Variants in LRP6 observed in about 807,000 individuals in gnomAD.
The protein encoded by LRP6 is LDL receptor related protein 6.
LRP6 carries 43 observed loss-of-function variants against 184.1 expected under a neutral mutation model. That is an observed-to-expected ratio of 0.23 (90% CI 0.18 to 0.30). The LOEUF (loss-of-function observed/expected upper bound fraction) is 0.30, where lower values mean the gene tolerates loss of function less well. Ranked by LOEUF, LRP6 falls within the 10% of genes least tolerant of loss-of-function variation. LRP6 has a pLI of 1.00. For synonymous variants in LRP6, 719 were observed against 684.9 expected (o/e 1.05, Z -0.78); for missense variants, 1,571 against 2,005.3 (o/e 0.78, Z 4.14).
rs1350962437 is a variant in LRP6 at position 12,118,228 on chromosome 12, AT to A, written c.*2897del. On this transcript the variant is annotated 3_prime_UTR_variant, in exon 23 of 23. Coordinates refer to ENST00000261349, the MANE Select transcript of LRP6 (RefSeq NM_002336.3). ...ACCAACTCTCTTTGTTTCCCTGTGAATGTGCTATTATCTGACTTAAGCAAAC... is the reference window on the plus strand; with the variant it reads ...ACCAACTCTCTTTGTTTCCCTGTGAAGTGCTATTATCTGACTTAAGCAAAC... The A allele has an allele frequency of 6.6e-6, 1 of 152,288 alleles. No homozygotes were observed. The highest frequency in any genetic ancestry group is 1.9e-4 in the East Asian group (1 of 5,184). 9.4% of individuals were successfully genotyped at this position (152,288 alleles called of 1,614,324 possible).
Position 12,266,771 on chromosome 12 carries a change from G to A in LRP6, c.-36C>T, listed in dbSNP as rs768255700. 9.4e-6 allele frequency: 15 copies of A among 1,589,974 alleles called. No individual in the cohort carries two copies. The highest frequency in any genetic ancestry group is 1.2e-5 in the Non-Finnish European group (14 of 1,164,002). On this transcript the variant is annotated 5_prime_UTR_variant, in exon 1 of 23. Coordinates refer to ENST00000261349, the MANE Select transcript of LRP6 (RefSeq NM_002336.3). ...CGCGTTCTCTTCTCTCACCGGCGAG[G>A]GGTGGCCAGAAGTGGGGGAGGCGAG...
At chr12:12,222,323 T>C (rs1864510800) in intron 2 of LRP6, among the ~76,000 whole-genome samples, 2 of 152,010 alleles carry the variant, frequency 1.3e-5, no homozygotes, top group Non-Finnish European at 1.5e-5. Context: ...CCCAGCACTT[T>C]GGGAGGTCGA....
intron 12 of LRP6, chr12:12,155,337 C>G (rs531725340): frequency 1.7e-5 from 13 of 759,284 alleles, no homozygotes; most frequent in Non-Finnish European, 2.9e-5. Context: ...TGGAGTTGTT[C>G]CTTTGGCCAC....
At chr12:12,249,671 A>AGAAGGAAGGAAGGAAGGAAG (rs3053796) in intron 1 of LRP6, among the ~76,000 whole-genome samples, 45 of 141,558 alleles carry the variant, frequency 3.2e-4, no homozygotes, top group African/African-American at 8.8e-4. Flanking sequence ...GTGCTATAAC[A>AGAAGGAAGGAAGGAAGGAAG]GAAGGAAGGA....
At chr12:12,161,374 T>C (rs1453615878) in intron 10 of LRP6, among the ~76,000 whole-genome samples, 1 of 152,166 alleles carries the variant, frequency 6.6e-6, no homozygotes. Context: ...TTCAAACAAT[T>C]TTCCTGCTTT....
chr12:12,219,839 G>C (rs1864440791), intron 2 of LRP6, among the ~76,000 whole-genome samples: 1 of 152,120 alleles, frequency 6.6e-6, no homozygotes, highest in Non-Finnish European at 1.5e-5. Context: ...TTTCCAGTCA[G>C]ACAAACCAAC....
Position 12,147,431 on chromosome 12 carries a change from C to T in LRP6, c.3332G>A (p.Ser1111Asn), listed in dbSNP as rs1311859563. 2 of 1,614,054 alleles carry T rather than the reference C, an allele frequency of 1.2e-6. No individual in the cohort carries two copies. Among genetic ancestry groups the T allele is most frequent in the Non-Finnish European group, 8.5e-7 (1 of 1,180,038 alleles). The change falls in exon 15 of 23, where the codon AGC (serine) becomes AAC (asparagine). Residue 1111 changes from serine to asparagine, a missense_variant. Ser to Asn is a conservative substitution (Grantham distance 46). Around this residue, in one of 4 missense-constraint regions of LRP6, gnomAD observed 763 missense variants for 859.5 expected, o/e 0.89. Transcript: ENST00000261349. The part of the protein sequence containing the change: ...LSKPIALALD[S>N]RLGKLFWADS... ...AGCCCAAAAGAGCTTGCCCAGCCTGCTATCAAGGGCTAAAGCAATTGGTTT... is the reference window on the plus strand; with the variant it reads ...AGCCCAAAAGAGCTTGCCCAGCCTGTTATCAAGGGCTAAAGCAATTGGTTT...
intron 2 of LRP6, among the ~76,000 whole-genome samples, chr12:12,232,601 A>C (rs1438371770): frequency 1.3e-5 from 2 of 151,066 alleles, no homozygotes; most frequent in African/African-American, 4.8e-5. Flanking sequence ...AAAAAAAAAA[A>C]CAGAAGTAGA....
At chr12:12,258,673 T>C (rs1865533547) in intron 1 of LRP6, among the ~76,000 whole-genome samples, 1 of 152,210 alleles carries the variant, frequency 6.6e-6, no homozygotes, top group South Asian at 2.1e-4. Flanking sequence ...AAAGACAATA[T>C]AATGTGTAGC....
intron 5 of LRP6, among the ~76,000 whole-genome samples, chr12:12,181,895 T>C (rs964091242): frequency 6.6e-6 from 1 of 152,214 alleles, no homozygotes; most frequent in Admixed American, 6.5e-5. Flanking sequence ...ACTGCGTAAC[T>C]CTGTAAATTT....
chr12:12,176,692 AAATG>A (rs1273392733), intron 7 of LRP6, among the ~76,000 whole-genome samples: 3 of 152,224 alleles, frequency 2.0e-5, no homozygotes, highest in Non-Finnish European at 4.4e-5. Context: ...CAGGTAGCAT[AAATG>A]AATGAACACA....
At position 12,145,043 on chromosome 12, in the gene LRP6, C is replaced by T. The variant is rs149657310; in HGVS notation, c.3397+2323G>A. ...AAACCTGCACATTGTGCACATGTAT[C>T]CTAAAACTTATAATTAAAAAAAAAA... On this transcript the variant is annotated intron_variant, in intron 15 of 22. Coordinates refer to ENST00000261349, the MANE Select transcript of LRP6 (RefSeq NM_002336.3). Among the ~76,000 whole-genome samples the T allele has an allele frequency of 3.8e-3, 571 of 151,976 alleles. 2 individuals carry two copies. Among genetic ancestry groups the T allele is most frequent in the African/African-American group, 0.013 (546 of 41,436 alleles).
chr12:12,236,535 C>T (rs1471125929), intron 2 of LRP6, among the ~76,000 whole-genome samples: 1 of 152,146 alleles, frequency 6.6e-6, no homozygotes. Context: ...GGGTGTCCTA[C>T]AAGCCAGTTC....
intron 2 of LRP6, among the ~76,000 whole-genome samples, chr12:12,232,835 G>A (rs1864828018): frequency 6.6e-6 from 1 of 152,100 alleles, no homozygotes; most frequent in Non-Finnish European, 1.5e-5. Context: ...AATACAAAAG[G>A]ATCATCCCAC....
At chr12:12,195,586 G>A (rs1046675634) in intron 3 of LRP6, among the ~76,000 whole-genome samples, 4 of 151,976 alleles carry the variant, frequency 2.6e-5, no homozygotes, top group African/African-American at 9.7e-5. Context: ...TGTATATTCT[G>A]GATATTAATC....
At chr12:12,179,377 TATAG>T (rs1274528241) in intron 7 of LRP6, among the ~76,000 whole-genome samples, 2 of 57,770 alleles carry the variant, frequency 3.5e-5, no homozygotes, top group African/African-American at 8.0e-5. Flanking sequence ...TAGATATAGA[TATAG>T]ATATAGATAT....
chr12:12,243,953 G>A (rs567241013), intron 2 of LRP6, among the ~76,000 whole-genome samples: 23 of 152,170 alleles, frequency 1.5e-4, no homozygotes, highest in South Asian at 4.2e-4. Flanking sequence ...GTGTGGTAGC[G>A]CACACCTAAA....
At chr12:12,209,271 AC>A (rs1864145008) in intron 2 of LRP6, among the ~76,000 whole-genome samples, 1 of 152,236 alleles carries the variant, frequency 6.6e-6, no homozygotes, top group African/African-American at 2.4e-5. Flanking sequence ...TAACTTTGTA[AC>A]TCAGTGTCTA....
intron 4 of LRP6, 85 bp from the exon 5 acceptor site, chr12:12,184,196 A>T: frequency 8.6e-7 from 1 of 1,159,168 alleles, no homozygotes; most frequent in Non-Finnish European, 1.3e-6. Context: ...AACTGTGATA[A>T]GCCAAAATTA....
Sources: gnomAD v4.1 joint callset for allele counts (sites outside exome capture counted in the v4.1 genomes callset) on GRCh38, gnomAD v4.1.1 for gene constraint, gnomAD v4.1.1 regional missense constraint, MANE v1.5 for transcripts, NCBI Gene and HGNC (gene_info 2026-07-23, HGNC 2026-07-21) for gene names.